Variants in CCDC158 observed in about 807,000 individuals in gnomAD.
The protein encoded by CCDC158 is coiled-coil domain containing 158.
Under a neutral mutation model 138.6 loss-of-function variants are expected in CCDC158, and 116 were observed. The ratio of observed to expected loss-of-function variants is 0.84; its 90% CI spans 0.72 to 0.98. CCDC158 has a LOEUF of 0.98. Ranked by LOEUF, CCDC158 falls within the 50% of genes least tolerant of loss-of-function variation. The probability of loss-of-function intolerance (pLI) is 0.00; values close to 1 mark genes in which losing one functional copy is unlikely to be tolerated. For synonymous variants in CCDC158, 436 were observed against 442.4 expected, an observed-to-expected ratio of 0.99 and a Z score of 0.18; for missense variants, 1,265 against 1,306.1, an observed-to-expected ratio of 0.97 and a Z score of 0.48.
rs1726568859 is a variant in CCDC158, at chr4:76,384,272, C to G, written c.542G>C (p.Ser181Thr). The change falls in exon 6 of 25, where the codon AGT (serine) becomes ACT (threonine). Residue 181 changes from serine to threonine, a missense_variant. Ser to Thr is a moderately conservative substitution (Grantham distance 58). Coordinates refer to ENST00000682701, the MANE Select transcript of CCDC158 (RefSeq NM_001394954.1). ...GATTTCTTGAAGCACTCCCTCATGACTAAGCATCATTTTTCGTAGTTGCTC... is the reference window on the plus strand; with the variant it reads ...GATTTCTTGAAGCACTCCCTCATGAGTAAGCATCATTTTTCGTAGTTGCTC... ...QIEQLRKMML[S>T]HEGVLQEIRS... The G allele has an allele frequency of 2.5e-6, 4 of 1,614,034 alleles. No homozygotes were observed. Among genetic ancestry groups the G allele is most frequent in the African/African-American group, 1.3e-5 (1 of 74,936 alleles).
At chr4:76,321,775 T>TAA (rs1374901326) in intron 24 of CCDC158, among the ~76,000 whole-genome samples, 4 of 146,132 alleles carry the variant, frequency 2.7e-5, no homozygotes, top group African/African-American at 1.0e-4. Context: ...TATATATATA[T>TAA]AATAAATATA....
rs779671301 is a variant in CCDC158 at position 76,367,447 on chromosome 4, CT to C, written c.1676del (p.Glu559GlyfsTer5). On this transcript the variant is annotated frameshift_variant, in exon 12 of 25. Transcript: ENST00000682701. LOFTEE classifies it high-confidence loss of function. ...ECEALKLQMT[E>X]KDKVIEILRQ... The stretch of plus-strand genomic sequence containing the variant: ...GCAGAATCTCGATCACCTTGTCCTT[CT>C]CTGTCATCTGCAGTTTGAGGGCCTC... 6.2e-7 allele frequency: 1 copy of C among 1,614,258 alleles called. No homozygotes were observed. The highest frequency in any genetic ancestry group is 1.1e-5 in the South Asian group (1 of 91,086).
intron 6 of CCDC158, 51 bp from the exon 7 acceptor site, chr4:76,383,789 G>A (rs376986782): frequency 3.9e-6 from 5 of 1,270,126 alleles, no homozygotes; most frequent in Non-Finnish European, 5.7e-6. Flanking sequence ...TATAAGGCTT[G>A]GAAAATCTGG....
At chr4:76,336,661 G>C (rs1195126022) in intron 18 of CCDC158, among the ~76,000 whole-genome samples, 1 of 152,104 alleles carries the variant, frequency 6.6e-6, no homozygotes, top group Non-Finnish European at 1.5e-5. Flanking sequence ...AACACCTGGG[G>C]TCATAAGAAA....
In CCDC158 at chr4:76,313,210, A is replaced by G. The variant is rs769735346; in HGVS notation, c.3314T>C (p.Ile1105Thr). 3 of 1,609,342 alleles carry G rather than the reference A, an allele frequency of 1.9e-6. No individual in the cohort carries two copies. The highest frequency in any genetic ancestry group is 2.5e-6 in the Non-Finnish European group (3 of 1,177,354). The change falls in exon 25 of 25, where the codon ATA becomes ACA. Residue 1105 changes from isoleucine (I) to threonine (T), a missense_variant. Ile to Thr is a moderately conservative substitution (Grantham distance 89). Transcript: ENST00000682701. ...TTTTTCCTGGTCTTTTACTTTCTGT[A>G]TCCTCTTTTCTTGATTTCTGATCAT... ...SSMIRNQEKR[I>T]QKVKDQEKML...
At chr4:76,317,078 C>A (rs977446234) in intron 24 of CCDC158, among the ~76,000 whole-genome samples, 22 of 149,636 alleles carry the variant, frequency 1.5e-4, no homozygotes, top group African/African-American at 3.2e-4. Context: ...AAAAAAAAAA[C>A]CAAGGTAATT....
intron 9 of CCDC158, among the ~76,000 whole-genome samples, chr4:76,377,976 G>A (rs1462666470): frequency 6.6e-6 from 1 of 151,904 alleles, no homozygotes; most frequent in Non-Finnish European, 1.5e-5. Flanking sequence ...TGCTTCAGTT[G>A]CATGTGTGTT....
chr4:76,382,735 T>C lies in CCDC158; in HGVS notation c.804-15A>G. On this transcript the variant is annotated splice_polypyrimidine_tract_variant and intron_variant, in intron 7 of 24. Coordinates refer to ENST00000682701, the MANE Select transcript of CCDC158 (RefSeq NM_001394954.1). ...ACTGCTCAATCCTATAAAAAGAATG[T>C]GGTGATTGTCATTTGATACAGAAGA... is the stretch of plus-strand genomic sequence containing the variant. 1 of 1,516,532 alleles carries C rather than the reference T, an allele frequency of 6.6e-7. No individual in the cohort carries two copies. Among genetic ancestry groups the C allele is most frequent in the Non-Finnish European group, 9.1e-7 (1 of 1,097,246 alleles). The allele number at this position is 1,516,532 out of a possible 1,614,324, so 93.9% of individuals were successfully genotyped here. A position where few individuals can be genotyped will look rare whatever the true frequency, so the allele number is the denominator to read the frequency against.
At chr4:76,421,656 A>ACCCCCCCCCCGCCCCCCCCCCCCCCCCCC (rs556874183), upstream of CCDC158, 1 of 144,610 alleles carries the variant, frequency 6.9e-6, no homozygotes, top group Non-Finnish European at 1.5e-5. Flanking sequence ...CTACTCTGAC[A>ACCCCCCCCCCGCCCCCCCCCCCCCCCCCC]CCCCCACCCG....
intron 9 of CCDC158, among the ~76,000 whole-genome samples, chr4:76,376,786 T>C (rs962018276): frequency 6.6e-6 from 1 of 152,198 alleles, no homozygotes; most frequent in Non-Finnish European, 1.5e-5. Flanking sequence ...TAGTTAACCA[T>C]CAACTAGGTG....
chr4:76,332,037 T>C (rs1215737093), intron 20 of CCDC158, among the ~76,000 whole-genome samples: 6 of 152,208 alleles, frequency 3.9e-5, no homozygotes, highest in Non-Finnish European at 7.4e-5. Flanking sequence ...TTGATGAAAA[T>C]AGGATGGTTT....
intron 2 of CCDC158, among the ~76,000 whole-genome samples, chr4:76,405,808 A>T (rs1728773428): frequency 6.6e-6 from 1 of 152,192 alleles, no homozygotes; most frequent in South Asian, 2.1e-4. Flanking sequence ...GTGCACTATA[A>T]AAAGCATAAG....
chr4:76,384,794 T>A, intron 4 of CCDC158, 129 bp from the exon 5 acceptor site: 2 of 641,804 alleles, frequency 3.1e-6, no homozygotes, highest in Non-Finnish European at 5.4e-6. Context: ...ACTGCTGCAG[T>A]TCAAAGTCTA....
At position 76,351,099 on chromosome 4, in the gene CCDC158, G is replaced by T. The variant is rs768857902; in HGVS notation, c.2561C>A (p.Thr854Asn). Residue 854 changes from threonine (T) to asparagine (N), a missense_variant, in exon 18 of 25, where the codon ACC becomes AAC. Transcript: ENST00000682701. ...GCGTGGTTTCAATGAAGAATTTGAG[G>T]TGTATCCAGGGCCCTGAAGTTCCTG... Reference protein sequence around the residue: ...DIKELQGPGYTSNSSLKPRLL... With the variant: ...DIKELQGPGYNSNSSLKPRLL... 1.9e-6 allele frequency: 3 copies of T among 1,613,644 alleles called. No individual in the cohort carries two copies. Among genetic ancestry groups the T allele is most frequent in the Non-Finnish European group, 2.5e-6 (3 of 1,179,790 alleles).
intron 2 of CCDC158, among the ~76,000 whole-genome samples, chr4:76,404,853 C>T (rs766668314): frequency 6.6e-6 from 1 of 151,784 alleles, no homozygotes; most frequent in African/African-American, 2.4e-5. Flanking sequence ...GGCAAGACCC[C>T]ATTCTCCACA....
chr4:76,328,657 G>A (rs1474435099), intron 22 of CCDC158, among the ~76,000 whole-genome samples: 1 of 152,184 alleles, frequency 6.6e-6, no homozygotes. Context: ...AGGCTTTAAA[G>A]GAGCTGAGGT....
intron 1 of CCDC158, among the ~76,000 whole-genome samples, chr4:76,420,557 G>T (rs1175981059): frequency 6.6e-6 from 1 of 152,194 alleles, no homozygotes. Context: ...GGGCCCTTGC[G>T]CCGGCATTTA....
At chr4:76,399,227 G>A (rs1318205668) in intron 3 of CCDC158, among the ~76,000 whole-genome samples, 4 of 152,116 alleles carry the variant, frequency 2.6e-5, no homozygotes, top group East Asian at 1.9e-4. Flanking sequence ...GATGTTCACT[G>A]TATTGTTCTT....
chr4:76,316,210 AAC>A (rs1333405968), intron 24 of CCDC158, among the ~76,000 whole-genome samples: 2 of 152,216 alleles, frequency 1.3e-5, no homozygotes, highest in Admixed American at 1.3e-4. Flanking sequence ...AAATCTAAGA[AAC>A]AATACAGAAT....
Sources: gnomAD v4.1 joint callset for allele counts (sites outside exome capture counted in the v4.1 genomes callset) on GRCh38, gnomAD v4.1.1 for gene constraint, MANE v1.5 for transcripts, NCBI Gene and HGNC (gene_info 2026-07-23, HGNC 2026-07-21) for gene names.